The following SCRG1 variants were observed in gnomAD, a reference collection of about 807,000 sequenced individuals.
The protein encoded by SCRG1 is scrapie-responsive protein 1.
A neutral mutation model predicts 7.7 loss-of-function variants in SCRG1; 3 were observed. The observed-to-expected ratio is 0.39, with a 90% CI of 0.18 to 1.01. The LOEUF is 1.01. Ranked by LOEUF, SCRG1 falls within the 50% of genes least tolerant of loss-of-function variation. The probability of loss-of-function intolerance (pLI) is 0.36; values close to 1 mark genes in which losing one functional copy is unlikely to be tolerated. For synonymous variants in SCRG1, 46 were observed against 41.2 expected (o/e 1.12, Z -0.44); for missense variants, 110 against 117.2 (o/e 0.94, Z 0.28).
chr4:173,477,842 C>G, the SCRG1 span, among the ~76,000 whole-genome samples: 1 of 151,732 alleles, frequency 6.6e-6, no homozygotes, highest in Non-Finnish European at 1.5e-5. Flanking sequence ...AATCATAGCC[C>G]ACTTCAGCTT....
At chr4:173,506,041 T>A in the SCRG1 span, among the ~76,000 whole-genome samples, 3 of 152,268 alleles carry the variant, frequency 2.0e-5, no homozygotes, top group African/African-American at 2.4e-5. The surrounding 1 kb of genome is among the most constrained non-coding windows in gnomAD (Gnocchi z 5.3). Flanking sequence ...AAGGGGGAGC[T>A]CTGGGCTCAA....
At chr4:173,390,631 C>T (rs1032513362) in intron 2 of SCRG1, among the ~76,000 whole-genome samples, 3 of 152,070 alleles carry the variant, frequency 2.0e-5, no homozygotes, top group African/African-American at 7.2e-5. Flanking sequence ...TGCCACCACG[C>T]CCAGCTAATT....
chr4:173,423,675 T>A, the SCRG1 span, among the ~76,000 whole-genome samples: 1 of 152,102 alleles, frequency 6.6e-6, no homozygotes, highest in African/African-American at 2.4e-5. Flanking sequence ...TTTAATTTTT[T>A]TTTTATTTTT....
the SCRG1 span, among the ~76,000 whole-genome samples, chr4:173,504,741 A>G: frequency 6.6e-6 from 1 of 152,210 alleles, no homozygotes; most frequent in African/African-American, 2.4e-5. The surrounding 1 kb of genome is among the most constrained non-coding windows in gnomAD (Gnocchi z 4.7). Flanking sequence ...TGAAAGGTCA[A>G]CACCATCCTT....
chr4:173,489,084 C>T, the SCRG1 span, among the ~76,000 whole-genome samples: 1 of 152,192 alleles, frequency 6.6e-6, no homozygotes, highest in Non-Finnish European at 1.5e-5. Context: ...CCTAAATATA[C>T]ACAATTATTT....
the SCRG1 span, among the ~76,000 whole-genome samples, chr4:173,479,418 GTTTTT>G: frequency 1.5e-5 from 2 of 136,162 alleles, no homozygotes; most frequent in East Asian, 4.4e-4. Context: ...AGCACAACCT[GTTTTT>G]TTTGTTTGTT....
At chr4:173,485,164 T>C in the SCRG1 span, among the ~76,000 whole-genome samples, 1 of 80,422 alleles carries the variant, frequency 1.2e-5, no homozygotes, top group African/African-American at 7.9e-5. Flanking sequence ...TATAATATAT[T>C]ATATATATTA....
chr4:173,495,877 C>T, the SCRG1 span, among the ~76,000 whole-genome samples: 1 of 152,196 alleles, frequency 6.6e-6, no homozygotes, highest in African/African-American at 2.4e-5. Context: ...AGAAATTACT[C>T]TTCCTGAAGG....
the SCRG1 span, among the ~76,000 whole-genome samples, chr4:173,423,285 G>A: frequency 4.8e-3 from 737 of 152,250 alleles, 2 homozygotes; most frequent in Non-Finnish European, 8.0e-3. Context: ...CAAAGATAAG[G>A]ATTCATCTAA....
the SCRG1 span, among the ~76,000 whole-genome samples, chr4:173,506,213 G>A: frequency 1.3e-5 from 2 of 152,250 alleles, no homozygotes; most frequent in African/African-American, 2.4e-5. The surrounding 1 kb of genome is among the most constrained non-coding windows in gnomAD (Gnocchi z 5.3). Context: ...TGACTTTCCT[G>A]TGGGTATTTT....
chr4:173,473,938 G>T, the SCRG1 span, among the ~76,000 whole-genome samples: 4 of 152,182 alleles, frequency 2.6e-5, no homozygotes, highest in East Asian at 7.7e-4. Context: ...CCAGCATTTT[G>T]GGAGGCTGAG....
At chr4:173,494,590 G>T in the SCRG1 span, among the ~76,000 whole-genome samples, 1 of 152,212 alleles carries the variant, frequency 6.6e-6, no homozygotes, top group African/African-American at 2.4e-5. Flanking sequence ...AGAACAAGAG[G>T]CAGGAGGTAG....
the SCRG1 span, among the ~76,000 whole-genome samples, chr4:173,490,870 C>T: frequency 6.6e-6 from 1 of 152,152 alleles, no homozygotes; most frequent in Non-Finnish European, 1.5e-5. Context: ...GTTAACTCCA[C>T]AGGAAAGGAG....
chr4:173,419,523 C>A, the SCRG1 span: 3 of 731,874 alleles, frequency 4.1e-6, no homozygotes, highest in Non-Finnish European at 7.4e-6. Context: ...CGCAGGTCAT[C>A]TGCAAACTTC....
the SCRG1 span, among the ~76,000 whole-genome samples, chr4:173,496,434 A>T: frequency 6.6e-6 from 1 of 152,222 alleles, no homozygotes; most frequent in Non-Finnish European, 1.5e-5. Flanking sequence ...ATGGAGACTA[A>T]GAGAAGAGAC....
chr4:173,389,483 A>C (rs4695832), intron 2 of SCRG1: 156,740 of 164,896 alleles, frequency 0.95, 74,688 homozygotes, highest in Non-Finnish European at 0.98. Flanking sequence ...TTCCAGTGAG[A>C]CGAGATCGTG....
intron 1 of SCRG1, chr4:173,406,136 C>A (rs1024588870): frequency 8.5e-5 from 13 of 152,344 alleles, no homozygotes; most frequent in African/African-American, 3.1e-4. Context: ...TTTGAGCTTC[C>A]TCCTCTTGCT....
the SCRG1 span, among the ~76,000 whole-genome samples, chr4:173,432,655 C>T: frequency 6.6e-6 from 1 of 152,144 alleles, no homozygotes; most frequent in Non-Finnish European, 1.5e-5. Context: ...TCAGGTGCCT[C>T]CTCCTGTCTG....
At chr4:173,488,179 T>C in the SCRG1 span, among the ~76,000 whole-genome samples, 1,740 of 152,088 alleles carry the variant, frequency 0.011, 41 homozygotes, top group African/African-American at 0.04. Flanking sequence ...CTGATTTTGG[T>C]GTTATTTTCT....
Sources: allele counts gnomAD v4.1 joint callset (sites outside exome capture counted in the v4.1 genomes callset), GRCh38; gene constraint gnomAD v4.1.1; non-coding constraint Gnocchi (gnomAD v3.1); transcripts MANE v1.5; gene names NCBI Gene and HGNC (gene_info 2026-07-23, HGNC 2026-07-21).